Variants in YAP1 observed in about 807,000 individuals in gnomAD.
The protein encoded by YAP1 is Yes1 associated transcriptional regulator.
A neutral mutation model predicts 56.9 loss-of-function variants in YAP1; 5 were observed. That is an observed-to-expected ratio of 0.09 (90% CI 0.05 to 0.18). The LOEUF (loss-of-function observed/expected upper bound fraction) is 0.18, where lower values mean the gene tolerates loss of function less well. Among genes scored for constraint, YAP1 ranks in the 10% least tolerant of loss-of-function variants. YAP1 has a pLI of 1.00. For synonymous variants in YAP1, 265 were observed against 248.1 expected, an observed-to-expected ratio of 1.07 and a Z score of -0.64; for missense variants, 539 against 651.8, an observed-to-expected ratio of 0.83 and a Z score of 1.88.
At chr11:102,111,449 T>C (rs1423227499) in intron 1 of YAP1, among the ~76,000 whole-genome samples, 1 of 151,702 alleles carries the variant, frequency 6.6e-6, no homozygotes, top group African/African-American at 2.4e-5. Flanking sequence ...CTTCTTCCTT[T>C]CTTTCTTCCC....
At position 102,232,324 on chromosome 11, in the gene YAP1, T is replaced by C. The variant is rs1197659352; in HGVS notation, c.*2384T>C. 1 of 152,028 alleles carries C rather than the reference T, an allele frequency of 6.6e-6. No individual in the cohort carries two copies. The highest frequency in any genetic ancestry group is 1.5e-5 in the Non-Finnish European group (1 of 68,004). 9.4% of individuals were successfully genotyped at this position (152,028 alleles called of 1,614,324 possible). ...TTAGGGGGACCTTGATAGAGAACTT[T>C]ATAAACTTCTTTCTCTTTAATAAAG... On this transcript the variant is annotated 3_prime_UTR_variant, in exon 9 of 9. Transcript: ENST00000282441.
At chr11:102,115,520 A>C (rs1450172985) in intron 2 of YAP1, among the ~76,000 whole-genome samples, 1 of 152,184 alleles carries the variant, frequency 6.6e-6, no homozygotes, top group African/African-American at 2.4e-5. Context: ...ACAGAAGAGC[A>C]AAGGAAAAGG....
chr11:102,160,269 C>T (rs981413649), intron 2 of YAP1, among the ~76,000 whole-genome samples: 1 of 151,836 alleles, frequency 6.6e-6, no homozygotes. Flanking sequence ...GTGGTCCGCC[C>T]GCCTTGGCCT....
At chr11:102,185,389 A>G (rs1339401256) in intron 3 of YAP1, among the ~76,000 whole-genome samples, 2 of 152,068 alleles carry the variant, frequency 1.3e-5, no homozygotes, top group Non-Finnish European at 2.9e-5. Flanking sequence ...GCCTCCTCCC[A>G]AGCCTCCAAC....
intron 4 of YAP1, among the ~76,000 whole-genome samples, chr11:102,193,596 A>G (rs1016521506): frequency 6.6e-6 from 1 of 152,208 alleles, no homozygotes; most frequent in Non-Finnish European, 1.5e-5. Context: ...CTAATAGGTA[A>G]TTTCTACTTG....
chr11:102,111,951 G>C (rs895728849), intron 1 of YAP1, among the ~76,000 whole-genome samples: 1 of 151,970 alleles, frequency 6.6e-6, no homozygotes, highest in Non-Finnish European at 1.5e-5. Context: ...TTTCACCCCT[G>C]CTCTTCCCTT....
chr11:102,115,785 G>A (rs1020664446), intron 2 of YAP1, among the ~76,000 whole-genome samples: 2 of 152,180 alleles, frequency 1.3e-5, no homozygotes, highest in African/African-American at 4.8e-5. Flanking sequence ...GCTGCTAGCT[G>A]TGAAGGATGT....
intron 2 of YAP1, among the ~76,000 whole-genome samples, chr11:102,153,754 C>A (rs1256397086): frequency 6.6e-6 from 1 of 151,696 alleles, no homozygotes; most frequent in Non-Finnish European, 1.5e-5. Context: ...TTTTAGATTC[C>A]GAGAGCTTGA....
Position 102,111,166 on chromosome 11 carries a change from A to G in YAP1, c.318A>G (p.Arg106=). ...CGCCGGAGCCCAAATCCCACTCCCG[A>G]CAGGTAACCTCGTTGCCCCTCTCCC... ...FKPPEPKSHS[R]QASTDAGTAG... Residue 106 remains arginine, a synonymous_variant, in exon 1 of 9, where the codon CGA becomes CGG. Transcript: ENST00000282441. 6.2e-7 allele frequency: 1 copy of G among 1,612,380 alleles called. No individual in the cohort carries two copies. Among genetic ancestry groups the G allele is most frequent in the Non-Finnish European group, 8.5e-7 (1 of 1,179,600 alleles).
chr11:102,116,356 G>A (rs1943288494), intron 2 of YAP1, among the ~76,000 whole-genome samples: 1 of 152,194 alleles, frequency 6.6e-6, no homozygotes, highest in Non-Finnish European at 1.5e-5. Flanking sequence ...TTATATGAAA[G>A]ACCAGAGCCT....
At chr11:102,122,032 A>G (rs1468340571) in intron 2 of YAP1, among the ~76,000 whole-genome samples, 1 of 152,170 alleles carries the variant, frequency 6.6e-6, no homozygotes, top group Non-Finnish European at 1.5e-5. Flanking sequence ...TCCTGGACTC[A>G]GGTGAACCTT....
intron 2 of YAP1, among the ~76,000 whole-genome samples, chr11:102,158,274 G>A (rs1407290489): frequency 6.6e-6 from 1 of 152,210 alleles, no homozygotes; most frequent in African/African-American, 2.4e-5. Flanking sequence ...TTTTAACCAA[G>A]ATGGAATCAT....
At chr11:102,117,732 T>C (rs1943377933) in intron 2 of YAP1, among the ~76,000 whole-genome samples, 1 of 152,230 alleles carries the variant, frequency 6.6e-6, no homozygotes. Flanking sequence ...GTGGCTTGTT[T>C]TCAAGCTCTG....
chr11:102,179,607 C>G (rs1017832114), intron 3 of YAP1, among the ~76,000 whole-genome samples: 1 of 152,192 alleles, frequency 6.6e-6, no homozygotes, highest in Non-Finnish European at 1.5e-5. Flanking sequence ...TAGGTCAGAG[C>G]TTACAGGTCA....
chr11:102,156,943 G>A (rs1945987613), intron 2 of YAP1, among the ~76,000 whole-genome samples: 1 of 152,156 alleles, frequency 6.6e-6, no homozygotes, highest in Non-Finnish European at 1.5e-5. Flanking sequence ...GTTTAAATTG[G>A]TTTCATGCTT....
At chr11:102,113,788 G>T (rs1943112978) in intron 1 of YAP1, among the ~76,000 whole-genome samples, 2 of 152,116 alleles carry the variant, frequency 1.3e-5, no homozygotes, top group Non-Finnish European at 2.9e-5. Context: ...ACTTGGAAAA[G>T]CACCCATAAC....
At chr11:102,188,084 C>T (rs560726066) in intron 4 of YAP1, among the ~76,000 whole-genome samples, 1 of 152,184 alleles carries the variant, frequency 6.6e-6, no homozygotes, top group Non-Finnish European at 1.5e-5. Flanking sequence ...CAAATAGAGA[C>T]AAGCTGTTAG....
intron 2 of YAP1, among the ~76,000 whole-genome samples, chr11:102,133,648 T>C (rs145032570): frequency 1.3e-5 from 2 of 152,310 alleles, no homozygotes; most frequent in East Asian, 3.9e-4. Context: ...AAGGAAGTTA[T>C]GAGTTTCACA....
chr11:102,185,489 T>TA (rs1413261669), intron 3 of YAP1, among the ~76,000 whole-genome samples: 1 of 152,180 alleles, frequency 6.6e-6, no homozygotes, highest in African/African-American at 2.4e-5. Context: ...CTTTCTGTCT[T>TA]ACAGTTTTCT....
Sources: gnomAD v4.1 joint callset for allele counts (sites outside exome capture counted in the v4.1 genomes callset) on GRCh38, gnomAD v4.1.1 for gene constraint, MANE v1.5 for transcripts, NCBI Gene and HGNC (gene_info 2026-07-23, HGNC 2026-07-21) for gene names.